GRAMD1C: variants seen among roughly 807,000 people sequenced by gnomAD.
The protein encoded by GRAMD1C is GRAM domain containing 1C.
GRAMD1C carries 89 observed loss-of-function variants against 97.8 expected under a neutral mutation model. The observed-to-expected ratio is 0.91, with a 90% CI of 0.77 to 1.09. The LOEUF is 1.09. GRAMD1C is among the 50% of genes least tolerant of loss of function. GRAMD1C has a pLI of 0.00. For synonymous variants in GRAMD1C, 256 were observed against 267.0 expected (o/e 0.96, Z 0.40); for missense variants, 740 against 766.4 (o/e 0.97, Z 0.41).
At chr3:113,847,001 A>T (rs923768535) in intron 2 of GRAMD1C, among the ~76,000 whole-genome samples, 1 of 152,216 alleles carries the variant, frequency 6.6e-6, no homozygotes, top group Non-Finnish European at 1.5e-5. Flanking sequence ...ATCAGAGTTC[A>T]TGCTGATATA....
chr3:113,917,398 A>T (rs565559434), intron 10 of GRAMD1C, among the ~76,000 whole-genome samples: 1 of 152,212 alleles, frequency 6.6e-6, no homozygotes, highest in African/African-American at 2.4e-5. Flanking sequence ...ATCTCGGCTC[A>T]CTGCAACATC....
intron 9 of GRAMD1C, among the ~76,000 whole-genome samples, chr3:113,912,740 A>C (rs79402781): frequency 2.3e-5 from 2 of 87,668 alleles, no homozygotes; most frequent in Non-Finnish European, 4.8e-5. Context: ...CAGTCTCTTC[A>C]AAAAAAAAAA....
chr3:113,869,485 T>C (rs772579112), intron 2 of GRAMD1C, 22 bp from the exon 3 acceptor site: 3 of 1,141,476 alleles, frequency 2.6e-6, no homozygotes, highest in Non-Finnish European at 3.9e-6. Context: ...TAGACAGAAA[T>C]GTAATCTTTT....
intron 7 of GRAMD1C, among the ~76,000 whole-genome samples, chr3:113,902,422 T>G (rs1047435198): frequency 2.0e-5 from 3 of 152,160 alleles, no homozygotes; most frequent in Non-Finnish European, 4.4e-5. Context: ...CAAAGAGCCT[T>G]GGATTATGGT....
chr3:113,879,953 CAA>C (rs985814074), intron 5 of GRAMD1C, among the ~76,000 whole-genome samples: 16 of 152,196 alleles, frequency 1.1e-4, no homozygotes, highest in Non-Finnish European at 1.8e-4. Context: ...CTTGGCCGCC[CAA>C]AGTGTCGGGA....
At chr3:113,835,342 T>A (rs1205763114), upstream of GRAMD1C, among the ~76,000 whole-genome samples, 1 of 152,236 alleles carries the variant, frequency 6.6e-6, no homozygotes, top group African/African-American at 2.4e-5. Flanking sequence ...CACTTTCACC[T>A]TATGTTCTAT....
chr3:113,859,853 T>A (rs1053186764), intron 2 of GRAMD1C, among the ~76,000 whole-genome samples: 1 of 152,152 alleles, frequency 6.6e-6, no homozygotes, highest in African/African-American at 2.4e-5. Context: ...AAAAACTCTT[T>A]CAAAAAAACA....
chr3:113,849,791 C>T (rs1933788287), intron 2 of GRAMD1C, among the ~76,000 whole-genome samples: 1 of 152,216 alleles, frequency 6.6e-6, no homozygotes, highest in Non-Finnish European at 1.5e-5. Context: ...ATGGCCCGTT[C>T]TCAATGAGCT....
At chr3:113,846,739 C>A (rs1933626978) in intron 2 of GRAMD1C, among the ~76,000 whole-genome samples, 1 of 152,110 alleles carries the variant, frequency 6.6e-6, no homozygotes, top group Non-Finnish European at 1.5e-5. Flanking sequence ...AGGTGATTTA[C>A]ATTTAAATTA....
At chr3:113,891,666 A>G (rs1300814307) in intron 6 of GRAMD1C, among the ~76,000 whole-genome samples, 2 of 151,814 alleles carry the variant, frequency 1.3e-5, no homozygotes, top group Admixed American at 6.6e-5. Flanking sequence ...GGATTGCTTG[A>G]GACCAGTTCA....
intron 9 of GRAMD1C, among the ~76,000 whole-genome samples, chr3:113,913,502 T>C (rs1456367496): frequency 6.7e-6 from 1 of 149,386 alleles, no homozygotes; most frequent in African/African-American, 2.5e-5. Context: ...ACAATAAAAC[T>C]GATAAAAATT....
chr3:113,860,727 A>T (rs891936207), intron 2 of GRAMD1C, among the ~76,000 whole-genome samples: 1 of 152,140 alleles, frequency 6.6e-6, no homozygotes, highest in African/African-American at 2.4e-5. Flanking sequence ...GCACTTTGGG[A>T]GGCCAAGGTG....
chr3:113,848,703 AG>A (rs1322610980), intron 2 of GRAMD1C, among the ~76,000 whole-genome samples: 1 of 152,130 alleles, frequency 6.6e-6, no homozygotes, highest in African/African-American at 2.4e-5. Context: ...GCCACTTGGG[AG>A]GCTGACATGG....
chr3:113,866,376 G>C (rs1934586289), intron 2 of GRAMD1C, among the ~76,000 whole-genome samples: 1 of 152,214 alleles, frequency 6.6e-6, no homozygotes. Flanking sequence ...TGTGATTACT[G>C]TTTGCATGGT....
At chr3:113,860,984 A>T (rs1934353048) in intron 2 of GRAMD1C, among the ~76,000 whole-genome samples, 1 of 150,160 alleles carries the variant, frequency 6.7e-6, no homozygotes, top group Non-Finnish European at 1.5e-5. Context: ...AAAAAAAAAG[A>T]AAACAGAAAA....
In GRAMD1C at chr3:113,885,858, T is replaced by A. The variant is rs138093422; in HGVS notation, c.540+3026T>A. On this transcript the variant is annotated intron_variant, in intron 6 of 17. Coordinates refer to ENST00000358160, the MANE Select transcript of GRAMD1C (RefSeq NM_017577.5). The stretch of plus-strand genomic sequence containing the variant: ...CTCCAGCATTGTGATCCTGGATAAC[T>A]CCCTAGGGGCTTACAGGAGCCATCC... The A allele has an allele frequency of 1.9e-4, 305 of 1,612,164 alleles. No homozygotes were observed. The African/African-American group carries it at 3.3e-3, about 17-fold the overall frequency.
intron 11 of GRAMD1C, among the ~76,000 whole-genome samples, 184 bp from the exon 12 acceptor site, chr3:113,933,327 C>T (rs550766071): frequency 1.2e-4 from 18 of 152,308 alleles, no homozygotes; most frequent in African/African-American, 3.4e-4. Context: ...CCGCCATACC[C>T]GGCCCTCTTT....
chr3:113,833,948 C>A (rs1316500952), upstream of GRAMD1C, among the ~76,000 whole-genome samples: 1 of 152,200 alleles, frequency 6.6e-6, no homozygotes, highest in Admixed American at 6.5e-5. Flanking sequence ...GCACAGAATT[C>A]CAAATTCTAA....
rs574220408 is a variant in GRAMD1C, at chr3:113,912,362, T to C, written c.952+3242T>C. Reference sequence around the variant, plus strand: ...TTAATGTGTTTTCCTTAATATAAAATTTAATTTTTTAAAACATATTTTAAA... The same window carrying C: ...TTAATGTGTTTTCCTTAATATAAAACTTAATTTTTTAAAACATATTTTAAA... On this transcript the variant is annotated intron_variant, in intron 9 of 17. Coordinates refer to ENST00000358160, the MANE Select transcript of GRAMD1C (RefSeq NM_017577.5). Among the ~76,000 whole-genome samples the C allele has an allele frequency of 2.0e-5, 3 of 152,328 alleles. No individual in the cohort carries two copies. The East Asian group carries it at 5.8e-4, about 29-fold the overall frequency.
Sources: allele counts gnomAD v4.1 joint callset (sites outside exome capture counted in the v4.1 genomes callset), GRCh38; gene constraint gnomAD v4.1.1; transcripts MANE v1.5; gene names NCBI Gene and HGNC (gene_info 2026-07-23, HGNC 2026-07-21).